Variants in ANK2 observed in about 807,000 individuals in gnomAD.
ANK2 encodes ankyrin 2.
Under a neutral mutation model 360.5 loss-of-function variants are expected in ANK2, and 83 were observed. The observed-to-expected ratio is 0.23, with a 90% CI of 0.19 to 0.28. ANK2 has a LOEUF of 0.28. ANK2 is among the 10% of genes least tolerant of loss of function. The pLI, the probability that ANK2 is intolerant of heterozygous loss-of-function variation, is 1.00. For synonymous variants in ANK2, 1,740 were observed against 1,759.5 expected, an observed-to-expected ratio of 0.99 and a Z score of 0.28; for missense variants, 4,201 against 4,795.7, an observed-to-expected ratio of 0.88 and a Z score of 3.66.
chr4:113,232,266 C>T lies in ANK2; in HGVS notation c.483+7C>T, dbSNP rs1563051139. ...TCAGAGCACTGCTACAGAGGTAAGA[C>T]TGTCAGCCCTAAAGCCTTGAATTCT... On this transcript the variant is annotated splice_region_variant and intron_variant, in intron 5 of 45. Coordinates refer to ENST00000357077, the MANE Select transcript of ANK2 (RefSeq NM_001148.6). 1.3e-6 allele frequency: 2 copies of T among 1,548,644 alleles called. No individual in the cohort carries two copies. Among genetic ancestry groups the T allele is most frequent in the East Asian group, 2.2e-5 (1 of 44,512 alleles).
chr4:113,042,223 C>T (rs2154314903), intron 2 of ANK2, among the ~76,000 whole-genome samples: 1 of 152,260 alleles, frequency 6.6e-6, no homozygotes, highest in South Asian at 2.1e-4. Context: ...TGCCCTCAGA[C>T]ATCAGTTTCC....
chr4:112,731,516 G>C, the ANK2 span, among the ~76,000 whole-genome samples: 4 of 152,156 alleles, frequency 2.6e-5, no homozygotes, highest in East Asian at 3.9e-4. Flanking sequence ...GATCACTTGA[G>C]CTCAGGAGTT....
intron 1 of ANK2, among the ~76,000 whole-genome samples, chr4:113,102,720 T>C (rs1163342124): frequency 6.6e-6 from 1 of 152,132 alleles, no homozygotes; most frequent in Non-Finnish European, 1.5e-5. Flanking sequence ...CTGTCAAATC[T>C]CTATGAGATT....
Position 113,267,571 on chromosome 4 carries a change from A to AT in ANK2, c.1485+2582dup, listed in dbSNP as rs549469597. Among the ~76,000 whole-genome samples, 16 of 152,012 alleles carry AT rather than the reference A, an allele frequency of 1.1e-4. No individual in the cohort carries two copies. In the East Asian group the frequency reaches 2.1e-3, roughly 20 times the overall value. On this transcript the variant is annotated intron_variant, in intron 14 of 45. Coordinates refer to ENST00000357077, the MANE Select transcript of ANK2 (RefSeq NM_001148.6). ...GATCAGATGGTTGTAGATGTGTGGC[A>AT]TTTTTTCTGAGGCCTCTGTTCTGTT...
the ANK2 span, among the ~76,000 whole-genome samples, chr4:112,764,365 C>T: frequency 2.4e-4 from 36 of 151,494 alleles, no homozygotes; most frequent in Admixed American, 5.9e-4. Context: ...GAAGAAGTTT[C>T]GTTCTTGTTG....
At chr4:112,826,230 TTCTAAG>T in intron 1 of ANK2, 2 of 371,496 alleles carry the variant, frequency 5.4e-6, no homozygotes, top group South Asian at 6.4e-5. Context: ...AGTCCAGACT[TTCTAAG>T]TCTAAGGCCT....
At chr4:113,239,862 C>T (rs1044943628) in intron 7 of ANK2, among the ~76,000 whole-genome samples, 11 of 151,994 alleles carry the variant, frequency 7.2e-5, no homozygotes, top group South Asian at 2.1e-4. Flanking sequence ...ATTGATGCCA[C>T]GTATATTGTT....
intron 2 of ANK2, among the ~76,000 whole-genome samples, chr4:112,972,909 C>T (rs1373825581): frequency 6.6e-6 from 1 of 152,022 alleles, no homozygotes; most frequent in African/African-American, 2.4e-5. Flanking sequence ...CTAAGTGAAG[C>T]CATTCAGGAA....
chr4:113,229,909 A>T (rs894296000), intron 4 of ANK2, among the ~76,000 whole-genome samples: 3 of 151,944 alleles, frequency 2.0e-5, no homozygotes, highest in African/African-American at 7.3e-5. Context: ...AAATTGTTTT[A>T]CTCTATTAAA....
intron 1 of ANK2, among the ~76,000 whole-genome samples, chr4:112,860,947 CTCAGGGAAGGTAGT>C (rs1457481337): frequency 6.6e-6 from 1 of 152,218 alleles, no homozygotes; most frequent in African/African-American, 2.4e-5. Flanking sequence ...CTGTGCTTTC[CTCAGGGAAGGTAGT>C]TAAAGCTAAA....
intron 1 of ANK2, among the ~76,000 whole-genome samples, chr4:112,834,365 G>A (rs1391314734): frequency 6.6e-6 from 1 of 152,094 alleles, no homozygotes; most frequent in African/African-American, 2.4e-5. Flanking sequence ...TATATCAGAA[G>A]AAAAAAGTAT....
chr4:112,746,766 T>C, the ANK2 span, among the ~76,000 whole-genome samples: 4 of 152,336 alleles, frequency 2.6e-5, no homozygotes, highest in South Asian at 4.1e-4. Context: ...TTTTGAATTA[T>C]GTATTAACTT....
intron 1 of ANK2, among the ~76,000 whole-genome samples, chr4:112,849,379 C>A (rs12511494): frequency 0.18 from 27,399 of 152,106 alleles, 3,077 homozygotes; most frequent in East Asian, 0.55. Flanking sequence ...TTGAAATTCT[C>A]TTTTTCTTTT....
the ANK2 span, among the ~76,000 whole-genome samples, chr4:112,738,271 G>A: frequency 6.6e-6 from 1 of 152,204 alleles, no homozygotes; most frequent in East Asian, 1.9e-4. Flanking sequence ...AATTAGCCAG[G>A]TGTGGTGGTG....
rs185231768 is a variant in ANK2, at chr4:113,180,310, T to C, written c.186+5793T>C. Among the ~76,000 whole-genome samples the C allele has an allele frequency of 3.9e-3, 598 of 152,272 alleles. 5 individuals carry two copies. The highest frequency in any genetic ancestry group is 0.014 in the African/African-American group (565 of 41,556). On this transcript the variant is annotated intron_variant, in intron 2 of 45. Transcript: ENST00000357077. Reference sequence around the variant, plus strand: ...CAGGCCTGAGTTTTCTCAACTGGAGTGAGCATAACAACACTGAAGTTTTAG... The same window carrying C: ...CAGGCCTGAGTTTTCTCAACTGGAGCGAGCATAACAACACTGAAGTTTTAG...
rs190530069 is a variant in ANK2 at position 113,118,779 on chromosome 4, A to G, written c.85-55637A>G. On this transcript the variant is annotated intron_variant, in intron 1 of 45. Coordinates refer to ENST00000357077, the MANE Select transcript of ANK2 (RefSeq NM_001148.6). ...ACTGCAGTTCTGTTTCTAATGCTCT[A>G]AATGGAACATTATTGTATAAAGAAT... Among the ~76,000 whole-genome samples the G allele has an allele frequency of 8.5e-5, 13 of 152,306 alleles. No individual in the cohort carries two copies. The East Asian group carries it at 2.3e-3, about 27-fold the overall frequency.
chr4:112,866,186 T>C (rs1344104609), intron 1 of ANK2, among the ~76,000 whole-genome samples: 2 of 152,218 alleles, frequency 1.3e-5, no homozygotes, highest in Non-Finnish European at 2.9e-5. Context: ...ACTGGGCATC[T>C]ACTTTGTGAC....
chr4:113,367,931 C>G, intron 42 of ANK2, 80 bp downstream of exon 42: 3 of 1,540,374 alleles, frequency 1.9e-6, no homozygotes, highest in Non-Finnish European at 1.8e-6. Context: ...ATAAGCATAA[C>G]TAGTTTTTAA....
chr4:112,997,228 C>T (rs988431518), intron 2 of ANK2, among the ~76,000 whole-genome samples: 1 of 152,168 alleles, frequency 6.6e-6, no homozygotes, highest in South Asian at 2.1e-4. Context: ...ACATGTATTG[C>T]TTCATGTACT....
Sources: allele counts gnomAD v4.1 joint callset (sites outside exome capture counted in the v4.1 genomes callset), GRCh38; gene constraint gnomAD v4.1.1; transcripts MANE v1.5; gene names NCBI Gene and HGNC (gene_info 2026-07-23, HGNC 2026-07-21).